PKN2: variants seen among roughly 807,000 people sequenced by gnomAD.
The protein encoded by PKN2 is protein kinase N2, also known as serine/threonine-protein kinase N2.
In PKN2, 38 loss-of-function variants were observed where a neutral mutation model predicts 119.1. That is an observed-to-expected ratio of 0.32 (90% CI 0.25 to 0.42). The LOEUF is 0.42. Among genes scored for constraint, PKN2 ranks in the 10% least tolerant of loss-of-function variants. PKN2 has a pLI of 1.00. For missense variants in PKN2, 850 were observed against 1,165.1 expected (o/e 0.73, Z 3.94); for synonymous variants, 390 against 384.9 (o/e 1.01, Z -0.15).
At chr1:88,755,327 A>T (rs1367776819) in intron 2 of PKN2, among the ~76,000 whole-genome samples, 5 of 152,212 alleles carry the variant, frequency 3.3e-5, no homozygotes, top group Non-Finnish European at 7.4e-5. Context: ...AAGGCAGGTT[A>T]AAGAGGAAAA....
rs756748093 is a variant in PKN2, at chr1:88,741,293, A to G, written c.349+5A>G. On this transcript the variant is annotated splice_donor_5th_base_variant and intron_variant, in intron 2 of 21. Transcript: ENST00000370521. ...CAGATCCAGAAGATATTACAGGTAT[A>G]GTAGTGCTTTATTTGATGTTTATAT... is the stretch of plus-strand genomic sequence containing the variant. The G allele has an allele frequency of 2.6e-6, 4 of 1,513,420 alleles. No individual in the cohort carries two copies. The highest frequency in any genetic ancestry group is 3.5e-6 in the Non-Finnish European group (4 of 1,129,970). The allele number at this position is 1,513,420 out of a possible 1,614,324, so 93.7% of individuals were successfully genotyped here.
intron 18 of PKN2, 49 bp from the exon 19 acceptor site, chr1:88,828,432 C>G: frequency 6.7e-7 from 1 of 1,483,718 alleles, no homozygotes; most frequent in East Asian, 2.3e-5. Flanking sequence ...TTTTTTTATG[C>G]TAGATTTGTT....
intron 2 of PKN2, among the ~76,000 whole-genome samples, chr1:88,745,220 C>T (rs987800843): frequency 3.9e-5 from 6 of 152,210 alleles, no homozygotes; most frequent in African/African-American, 1.4e-4. Context: ...AGGATGCTCA[C>T]TCTCAACACT....
chr1:88,810,126 CTTT>C (rs988757532), intron 15 of PKN2, among the ~76,000 whole-genome samples: 1 of 145,682 alleles, frequency 6.9e-6, no homozygotes, highest in African/African-American at 2.5e-5. Flanking sequence ...TTAAGACTAG[CTTT>C]TTTTTTTTGA....
intron 1 of PKN2, among the ~76,000 whole-genome samples, chr1:88,715,476 T>A (rs756638768): frequency 1.3e-5 from 2 of 152,238 alleles, no homozygotes; most frequent in Non-Finnish European, 2.9e-5. Flanking sequence ...GGATTCAACT[T>A]CTTCCTGGTT....
chr1:88,770,816 A>T (rs1276193766), intron 4 of PKN2, among the ~76,000 whole-genome samples: 1 of 147,636 alleles, frequency 6.8e-6, no homozygotes, highest in Admixed American at 6.8e-5. Flanking sequence ...CGATCTCCTG[A>T]CCTCGTGATC....
chr1:88,773,115 A>AT (rs1412768064), intron 6 of PKN2, among the ~76,000 whole-genome samples: 1 of 151,710 alleles, frequency 6.6e-6, no homozygotes, highest in Non-Finnish European at 1.5e-5. Context: ...GTTTTGTCTG[A>AT]TTTTATAACA....
intron 8 of PKN2, among the ~76,000 whole-genome samples, chr1:88,797,651 A>G (rs555915167): frequency 1.5e-4 from 22 of 147,724 alleles, no homozygotes; most frequent in South Asian, 4.2e-4. Flanking sequence ...AAAAAAAAAA[A>G]AGAGAGAGAA....
At chr1:88,772,166 G>T (rs1469323042) in intron 6 of PKN2, among the ~76,000 whole-genome samples, 1 of 152,064 alleles carries the variant, frequency 6.6e-6, no homozygotes, top group Non-Finnish European at 1.5e-5. Flanking sequence ...CTTCCTCCCA[G>T]CTGCTAGCAA....
chr1:88,737,746 C>G (rs955411049), intron 1 of PKN2, among the ~76,000 whole-genome samples: 1 of 152,134 alleles, frequency 6.6e-6, no homozygotes, highest in African/African-American at 2.4e-5. Context: ...GGTTTCACCA[C>G]GGCAGACCCA....
At chr1:88,744,786 A>G (rs540482969) in intron 2 of PKN2, among the ~76,000 whole-genome samples, 2 of 152,338 alleles carry the variant, frequency 1.3e-5, no homozygotes, top group South Asian at 2.1e-4. Context: ...TGTTTGTAAA[A>G]TAAGGATTTT....
chr1:88,754,382 T>G (rs1669121598), intron 2 of PKN2, among the ~76,000 whole-genome samples: 1 of 152,212 alleles, frequency 6.6e-6, no homozygotes, highest in South Asian at 2.1e-4. Flanking sequence ...AAGATGCTTA[T>G]AGTCGCAGAG....
chr1:88,728,926 G>A (rs984943611), intron 1 of PKN2, among the ~76,000 whole-genome samples: 4 of 132,838 alleles, frequency 3.0e-5, no homozygotes, highest in Non-Finnish European at 4.6e-5. Context: ...ATGGAGTTTC[G>A]CTCTTGTGCC....
intron 8 of PKN2, among the ~76,000 whole-genome samples, chr1:88,795,440 T>C (rs1445189389): frequency 6.6e-6 from 1 of 152,214 alleles, no homozygotes; most frequent in African/African-American, 2.4e-5. Flanking sequence ...TAGGTCTTTC[T>C]TTCACAGACA....
chr1:88,768,992 G>A (rs559833616), intron 3 of PKN2, among the ~76,000 whole-genome samples: 15 of 149,000 alleles, frequency 1.0e-4, no homozygotes, highest in Non-Finnish European at 1.7e-4. Context: ...TGAACAAACA[G>A]CTCAACAACC....
chr1:88,702,728 A>C (rs1162678205), intron 1 of PKN2, among the ~76,000 whole-genome samples: 1 of 152,208 alleles, frequency 6.6e-6, no homozygotes, highest in East Asian at 1.9e-4. Flanking sequence ...CTATAGAGAA[A>C]AGTAAATGAA....
intron 18 of PKN2, among the ~76,000 whole-genome samples, 178 bp downstream of exon 18, chr1:88,824,564 G>C (rs1050857071): frequency 2.0e-5 from 3 of 152,064 alleles, no homozygotes; most frequent in Non-Finnish European, 4.4e-5. Flanking sequence ...TTAAGAATTT[G>C]TTCTCTGAAT....
intron 1 of PKN2, among the ~76,000 whole-genome samples, chr1:88,738,183 A>AC (rs1164256686): frequency 6.6e-6 from 1 of 151,872 alleles, no homozygotes; most frequent in Non-Finnish European, 1.5e-5. Flanking sequence ...AAACAAACAA[A>AC]AAAAAACCAA....
At chr1:88,725,691 A>C (rs1384982785) in intron 1 of PKN2, among the ~76,000 whole-genome samples, 1 of 152,200 alleles carries the variant, frequency 6.6e-6, no homozygotes, top group Non-Finnish European at 1.5e-5. Context: ...GTATGCACTT[A>C]GCACCTTTTG....
Sources: allele counts gnomAD v4.1 joint callset (sites outside exome capture counted in the v4.1 genomes callset), GRCh38; gene constraint gnomAD v4.1.1; transcripts MANE v1.5; gene names NCBI Gene and HGNC (gene_info 2026-07-23, HGNC 2026-07-21).